The following EDA variants were observed in gnomAD, a reference collection of about 807,000 sequenced individuals.
The protein encoded by EDA is ectodysplasin-A.
In EDA, 2 loss-of-function variants were observed where a neutral mutation model predicts 23.6. The observed-to-expected ratio is 0.08, with a 90% CI of 0.03 to 0.27. EDA has a LOEUF of 0.27. Among genes scored for constraint, EDA ranks in the 10% least tolerant of loss-of-function variants. EDA has a pLI of 1.00. For missense variants in EDA, 229 were observed against 324.2 expected, an observed-to-expected ratio of 0.71 and a Z score of 2.26; for synonymous variants, 131 against 132.0, an observed-to-expected ratio of 0.99 and a Z score of 0.05.
chrX:69,911,346 C>T (rs890423172), intron 1 of EDA, among the ~76,000 whole-genome samples: 2 of 111,604 alleles, frequency 1.8e-5, no homozygotes, highest in Non-Finnish European at 3.8e-5. Flanking sequence ...CTGTAGATGC[C>T]CACTCTGTCC....
At chrX:69,709,142 G>T (rs184547245) in intron 1 of EDA, among the ~76,000 whole-genome samples, 22 of 112,046 alleles carry the variant, frequency 2.0e-4, no homozygotes, top group African/African-American at 6.1e-4. Flanking sequence ...TTATTTAATT[G>T]TAAGTTTGGA....
At chrX:69,692,742 G>T (rs1934749353) in intron 1 of EDA, among the ~76,000 whole-genome samples, 1 of 111,941 alleles carries the variant, frequency 8.9e-6, no homozygotes, top group African/African-American at 3.2e-5. Flanking sequence ...GTCCGTTAAA[G>T]CTTTCTTTTA....
At chrX:69,824,534 T>C (rs1419055753) in intron 1 of EDA, among the ~76,000 whole-genome samples, 1 of 109,814 alleles carries the variant, frequency 9.1e-6, no homozygotes, top group Non-Finnish European at 1.9e-5. Flanking sequence ...CTTGTGCTTT[T>C]TGTACATTGA....
At chrX:69,684,059 A>T (rs1934464186) in intron 1 of EDA, among the ~76,000 whole-genome samples, 1 of 112,443 alleles carries the variant, frequency 8.9e-6, no homozygotes, top group Non-Finnish European at 1.9e-5. Context: ...AGATGAAAAA[A>T]GGCTTTGTGC....
intron 1 of EDA, among the ~76,000 whole-genome samples, chrX:69,796,432 C>T (rs180694222): frequency 9.4e-4 from 105 of 111,578 alleles, no homozygotes; most frequent in Non-Finnish European, 3.6e-4. Flanking sequence ...TAACTACACC[C>T]TAAGCCACTG....
chrX:69,906,426 T>C (rs1203776794), intron 1 of EDA, among the ~76,000 whole-genome samples: 1 of 112,596 alleles, frequency 8.9e-6, no homozygotes, highest in Non-Finnish European at 1.9e-5. Flanking sequence ...AACTCCATTT[T>C]TTGAAAAGAA....
intron 1 of EDA, among the ~76,000 whole-genome samples, chrX:69,930,004 C>A (rs918064951): frequency 9.0e-6 from 1 of 110,914 alleles, no homozygotes; most frequent in African/African-American, 3.3e-5. Context: ...CACTTCTCTG[C>A]GGCTCCGTAG....
intron 1 of EDA, among the ~76,000 whole-genome samples, chrX:69,810,247 G>C (rs755840768): frequency 1.7e-5 from 1 of 60,183 alleles, no homozygotes; most frequent in South Asian, 1.6e-3. Flanking sequence ...GACAGAGCGA[G>C]ACTCCATCTC....
chrX:69,857,886 G>C (rs2017295186), intron 1 of EDA, among the ~76,000 whole-genome samples: 1 of 112,106 alleles, frequency 8.9e-6, no homozygotes. Flanking sequence ...GTTTCTATTT[G>C]TTTGTGTACT....
At chrX:69,920,382 C>A (rs2018412563) in intron 1 of EDA, among the ~76,000 whole-genome samples, 1 of 110,625 alleles carries the variant, frequency 9.0e-6, no homozygotes, top group Admixed American at 9.7e-5. Context: ...AAAATTCATA[C>A]TTTATTCACT....
At chrX:69,685,913 T>A (rs1050459803) in intron 1 of EDA, among the ~76,000 whole-genome samples, 4 of 113,200 alleles carry the variant, frequency 3.5e-5, no homozygotes, top group Non-Finnish European at 7.5e-5. Flanking sequence ...AACCAATGCA[T>A]GTTAACATAA....
At chrX:69,790,424 C>T (rs779956978) in intron 1 of EDA, among the ~76,000 whole-genome samples, 35 of 109,953 alleles carry the variant, frequency 3.2e-4, no homozygotes, top group African/African-American at 1.2e-3. Flanking sequence ...ATTGCTTAGC[C>T]GTATATTTTA....
chrX:69,652,009 G>C (rs1324396246), intron 1 of EDA, among the ~76,000 whole-genome samples: 2 of 110,989 alleles, frequency 1.8e-5, no homozygotes, highest in African/African-American at 6.5e-5. Flanking sequence ...GAGAGCAGAG[G>C]AGAGTGATGA....
chrX:69,835,675 G>A (rs986870718), intron 1 of EDA, among the ~76,000 whole-genome samples: 1 of 111,275 alleles, frequency 9.0e-6, no homozygotes, highest in Non-Finnish European at 1.9e-5. Flanking sequence ...TTTTAGCTTG[G>A]AGAAATTTGT....
At chrX:69,861,075 G>A (rs1392690778) in intron 1 of EDA, 1 of 446,467 alleles carries the variant, frequency 2.2e-6, no homozygotes. Context: ...CTGAGTTTAT[G>A]ACTTATAGAT....
At chrX:69,805,763 A>G (rs922333864) in intron 1 of EDA, among the ~76,000 whole-genome samples, 2 of 111,909 alleles carry the variant, frequency 1.8e-5, no homozygotes, top group African/African-American at 6.5e-5. Context: ...AACTCAGACA[A>G]TACTGATCAG....
Position 70,011,051 on chromosome X carries a change from C to CT in EDA, c.503-12159dup, listed in dbSNP as rs1172099505. ...TATTTGTTGCCATTTTTCTTTGTTT[C>CT]TTTTTTTTGGCTTCCACTTTTTCTG... is the stretch of plus-strand genomic sequence containing the variant. On this transcript the variant is annotated intron_variant, in intron 2 of 7. Transcript: ENST00000374552. Among the ~76,000 whole-genome samples the CT allele has an allele frequency of 9.9e-5, 11 of 110,999 alleles. No individual in the cohort carries two copies. The East Asian group carries it at 1.7e-3, about 17-fold the overall frequency.
intron 1 of EDA, among the ~76,000 whole-genome samples, chrX:69,673,738 C>T (rs1933986200): frequency 9.0e-6 from 1 of 111,281 alleles, no homozygotes; most frequent in Non-Finnish European, 1.9e-5. Context: ...CAAGCTTTGC[C>T]TTAGGTGGAG....
At chrX:69,666,565 C>CT (rs1205160687) in intron 1 of EDA, among the ~76,000 whole-genome samples, 1 of 112,438 alleles carries the variant, frequency 8.9e-6, no homozygotes, top group African/African-American at 3.2e-5. Context: ...TGGTTTTTAT[C>CT]TTTCATTTTG....
Sources: gnomAD v4.1 joint callset for allele counts (sites outside exome capture counted in the v4.1 genomes callset) on GRCh38, gnomAD v4.1.1 for gene constraint, MANE v1.5 for transcripts, NCBI Gene and HGNC (gene_info 2026-07-23, HGNC 2026-07-21) for gene names.